KYNU: variants seen among roughly 807,000 people sequenced by gnomAD.
KYNU encodes L-kynurenine hydrolase.
Under a neutral mutation model 59.2 loss-of-function variants are expected in KYNU, and 54 were observed. The ratio of observed to expected loss-of-function variants is 0.91; its 90% CI spans 0.73 to 1.14. KYNU has a LOEUF of 1.14. Ranked by LOEUF, KYNU falls within the 50% of genes most tolerant of loss-of-function variation. The probability of loss-of-function intolerance (pLI) is 0.00; values close to 1 mark genes in which losing one functional copy is unlikely to be tolerated. For missense variants in KYNU, 567 were observed against 554.4 expected (o/e 1.02, Z -0.23); for synonymous variants, 177 against 192.0 (o/e 0.92, Z 0.65).
At chr2:142,961,048 C>T (rs1383465713) in intron 8 of KYNU, among the ~76,000 whole-genome samples, 1 of 151,972 alleles carries the variant, frequency 6.6e-6, no homozygotes, top group African/African-American at 2.4e-5. Flanking sequence ...CAAAAATTAG[C>T]TGGGCATGGT....
At position 142,901,864 on chromosome 2, in the gene KYNU, G is replaced by A. The variant is rs151320790; in HGVS notation, c.169+16328G>A. On this transcript the variant is annotated intron_variant, in intron 2 of 13. Coordinates refer to ENST00000264170, the MANE Select transcript of KYNU (RefSeq NM_003937.3). ...GAATTTTCATTAATATACAAGTTGA[G>A]TTAGGGATTAGTCAAGGGAACCTCT... 1.7e-4 allele frequency among the ~76,000 whole-genome samples: 26 copies of A among 152,266 alleles called. No individual in the cohort carries two copies. The East Asian group carries it at 4.6e-3, about 27-fold the overall frequency.
At chr2:142,958,206 C>T (rs1005003634) in intron 7 of KYNU, 1 of 157,226 alleles carries the variant, frequency 6.4e-6, no homozygotes, top group Non-Finnish European at 1.4e-5. Context: ...TTTGGCTTTA[C>T]AGTCTGGCTA....
At position 143,046,179 on chromosome 2, in the gene KYNU, AT is replaced by A. The variant is rs951506948; in HGVS notation, c.*4011del. 6 of 152,076 alleles carry A rather than the reference AT, an allele frequency of 3.9e-5. No individual in the cohort carries two copies. The highest frequency in any genetic ancestry group is 8.8e-5 in the Non-Finnish European group (6 of 67,998). The allele number at this position is 152,076 out of a possible 1,614,324, so 9.4% of individuals were successfully genotyped here. Reference sequence around the variant, plus strand: ...AATCCACAGATAACCATCGAATTATATTTTGTTTTCTTCATTCCCTTACTTT... The same window carrying A: ...AATCCACAGATAACCATCGAATTATATTTGTTTTCTTCATTCCCTTACTTT... On this transcript the variant is annotated 3_prime_UTR_variant, in exon 14 of 14. Coordinates refer to ENST00000264170, the MANE Select transcript of KYNU (RefSeq NM_003937.3).
In KYNU at chr2:142,885,417, C is replaced by A. The variant is rs770963937; in HGVS notation, c.50C>A (p.Ala17Glu). The change falls in exon 2 of 14, where the codon GCG becomes GAG. Residue 17 changes from alanine (A) to glutamate (E), a missense_variant. By Grantham distance (107) the Ala-to-Glu change is moderately radical. Coordinates refer to ENST00000264170, the MANE Select transcript of KYNU (RefSeq NM_003937.3). ...CCGGCTGACACAGTGCAGCGCATTGCGGCTGAACTCAAATGCCACCCAACG... is the reference window on the plus strand; with the variant it reads ...CCGGCTGACACAGTGCAGCGCATTGAGGCTGAACTCAAATGCCACCCAACG... ...ELPADTVQRI[A>E]AELKCHPTDE... The A allele has an allele frequency of 5.6e-6, 9 of 1,613,802 alleles. No individual in the cohort carries two copies. Among genetic ancestry groups the A allele is most frequent in the Non-Finnish European group, 7.6e-6 (9 of 1,179,830 alleles).
chr2:143,043,400 A>G lies in KYNU; in HGVS notation c.*1228A>G, dbSNP rs1687109422. The G allele has an allele frequency of 6.6e-6, 1 of 151,778 alleles. No individual in the cohort carries two copies. 9.4% of individuals were successfully genotyped at this position (151,778 alleles called of 1,614,324 possible). The stretch of plus-strand genomic sequence containing the variant: ...CAAAATAGTGTAGATTTGTATACAT[A>G]GTCAACAAAAAGAGTGACATAATTA... On this transcript the variant is annotated 3_prime_UTR_variant, in exon 14 of 14. Coordinates refer to ENST00000264170, the MANE Select transcript of KYNU (RefSeq NM_003937.3).
chr2:142,944,835 T>A (rs759204204), intron 4 of KYNU, among the ~76,000 whole-genome samples: 1 of 152,270 alleles, frequency 6.6e-6, no homozygotes, highest in Non-Finnish European at 1.5e-5. Context: ...TCCAGGTTGC[T>A]GCAGTAATGC....
At chr2:143,041,679 C>T (rs1387291482) in intron 13 of KYNU, among the ~76,000 whole-genome samples, 1 of 151,812 alleles carries the variant, frequency 6.6e-6, no homozygotes, top group Non-Finnish European at 1.5e-5. Flanking sequence ...ACTCTCCAGA[C>T]CCTAATGAGG....
intron 3 of KYNU, among the ~76,000 whole-genome samples, chr2:142,919,939 G>A (rs1295949214): frequency 6.6e-6 from 1 of 152,110 alleles, no homozygotes; most frequent in African/African-American, 2.4e-5. Context: ...TGGCATGGTG[G>A]CAAGTGCCTG....
intron 2 of KYNU, among the ~76,000 whole-genome samples, chr2:142,917,011 G>GA (rs1682687018): frequency 6.6e-6 from 1 of 152,076 alleles, no homozygotes. Flanking sequence ...CTACTTTAAA[G>GA]AAAAATGTAA....
At chr2:142,939,602 C>CAA (rs71301737) in intron 4 of KYNU, among the ~76,000 whole-genome samples, 4,529 of 64,988 alleles carry the variant, frequency 0.07, 330 homozygotes, top group Non-Finnish European at 0.084. Flanking sequence ...CTCCATCTCA[C>CAA]AAAAAAAAAA....
chr2:142,880,076 A>G (rs1430953042), intron 1 of KYNU, among the ~76,000 whole-genome samples: 4 of 152,324 alleles, frequency 2.6e-5, no homozygotes, highest in Admixed American at 6.5e-5. Context: ...CATTATGTCA[A>G]ATAATTCATC....
chr2:142,979,874 C>T (rs1053951565), intron 8 of KYNU, among the ~76,000 whole-genome samples: 1 of 152,072 alleles, frequency 6.6e-6, no homozygotes, highest in Non-Finnish European at 1.5e-5. Flanking sequence ...GGATCTCTCA[C>T]AAGAAAGGAT....
chr2:142,911,579 C>T (rs968045008), intron 2 of KYNU, among the ~76,000 whole-genome samples: 11 of 151,882 alleles, frequency 7.2e-5, no homozygotes, highest in Admixed American at 2.6e-4. Context: ...CTAAGATTTC[C>T]GGTACTATAT....
intron 10 of KYNU, among the ~76,000 whole-genome samples, chr2:143,023,599 T>A (rs954804361): frequency 6.6e-6 from 1 of 151,908 alleles, no homozygotes; most frequent in African/African-American, 2.4e-5. Context: ...TATTGTGTTA[T>A]GAACAGCAAT....
chr2:142,887,995 T>C (rs1681574219), intron 2 of KYNU, among the ~76,000 whole-genome samples: 1 of 152,366 alleles, frequency 6.6e-6, no homozygotes, highest in East Asian at 1.9e-4. Context: ...ACTTCTGTTA[T>C]ACTTAAAAGT....
At chr2:142,884,124 G>T (rs1362939607) in intron 1 of KYNU, among the ~76,000 whole-genome samples, 2 of 152,174 alleles carry the variant, frequency 1.3e-5, no homozygotes, top group African/African-American at 4.8e-5. Context: ...TTTCCAAAAA[G>T]TGGGAAATGT....
At position 142,927,737 on chromosome 2, in the gene KYNU, T is replaced by C; in HGVS notation, c.369T>C (p.Ile123=). ...DESIVGLMKD[I]VGANEKEIAL... ...GTATTGTAGGCCTTATGAAGGACATTGTAGGTAAGTACAAAACACTGAAGT... is the reference window on the plus strand; with the variant it reads ...GTATTGTAGGCCTTATGAAGGACATCGTAGGTAAGTACAAAACACTGAAGT... The change falls in exon 4 of 14, where the codon ATT becomes ATC. Residue 123 remains isoleucine (I), a synonymous_variant. Coordinates refer to ENST00000264170, the MANE Select transcript of KYNU (RefSeq NM_003937.3). The C allele has an allele frequency of 6.2e-7, 1 of 1,605,134 alleles. No homozygotes were observed. The highest frequency in any genetic ancestry group is 8.5e-7 in the Non-Finnish European group (1 of 1,171,916).
chr2:142,907,935 A>T (rs1454103475), intron 2 of KYNU, among the ~76,000 whole-genome samples: 1 of 152,098 alleles, frequency 6.6e-6, no homozygotes, highest in Non-Finnish European at 1.5e-5. Context: ...CAAGCCATTT[A>T]AAAAAAATTA....
intron 10 of KYNU, among the ~76,000 whole-genome samples, chr2:143,005,438 G>A (rs1164502091): frequency 6.6e-6 from 1 of 151,948 alleles, no homozygotes; most frequent in Non-Finnish European, 1.5e-5. Flanking sequence ...TAGAGAAACT[G>A]GAAAGAAAAT....
Sources: allele counts gnomAD v4.1 joint callset (sites outside exome capture counted in the v4.1 genomes callset), GRCh38; gene constraint gnomAD v4.1.1; transcripts MANE v1.5; gene names NCBI Gene and HGNC (gene_info 2026-07-23, HGNC 2026-07-21).